The following SPOCK3 variants were observed in gnomAD, a reference collection of about 807,000 sequenced individuals.
SPOCK3 encodes the protein SPARC (osteonectin), cwcv and kazal like domains proteoglycan 3, also known as testican-3.
A neutral mutation model predicts 56.6 loss-of-function variants in SPOCK3; 30 were observed. That is an observed-to-expected ratio of 0.53 (90% CI 0.40 to 0.72). The LOEUF (loss-of-function observed/expected upper bound fraction) is 0.72, where lower values mean the gene tolerates loss of function less well. Among genes scored for constraint, SPOCK3 ranks in the 30% least tolerant of loss-of-function variants. The pLI is 0.00. For synonymous variants in SPOCK3, 196 were observed against 183.3 expected, an observed-to-expected ratio of 1.07 and a Z score of -0.56; for missense variants, 527 against 530.0, an observed-to-expected ratio of 0.99 and a Z score of 0.06.
chr4:167,200,168 C>T (rs1733379129), intron 2 of SPOCK3, among the ~76,000 whole-genome samples: 1 of 151,962 alleles, frequency 6.6e-6, no homozygotes, highest in Non-Finnish European at 1.5e-5. Flanking sequence ...CAGGAAAATT[C>T]AGGATACAAA....
chr4:167,186,151 A>T (rs576213887), intron 2 of SPOCK3, among the ~76,000 whole-genome samples: 1 of 152,344 alleles, frequency 6.6e-6, no homozygotes, highest in East Asian at 1.9e-4. Flanking sequence ...AAACAAAATC[A>T]AATTCAACAA....
chr4:167,061,496 A>T (rs904499350), intron 3 of SPOCK3, among the ~76,000 whole-genome samples: 1 of 152,002 alleles, frequency 6.6e-6, no homozygotes, highest in Non-Finnish European at 1.5e-5. Flanking sequence ...TTCAGACTCC[A>T]TGTTAATACC....
At chr4:166,964,623 G>A (rs888556600) in intron 4 of SPOCK3, among the ~76,000 whole-genome samples, 5 of 151,428 alleles carry the variant, frequency 3.3e-5, no homozygotes, top group African/African-American at 1.2e-4. Flanking sequence ...TAAATATATA[G>A]TTGATATTAT....
At chr4:166,751,628 T>C (rs1255110960) in intron 8 of SPOCK3, among the ~76,000 whole-genome samples, 2 of 152,110 alleles carry the variant, frequency 1.3e-5, no homozygotes, top group Non-Finnish European at 2.9e-5. Flanking sequence ...ACAGGGCTAT[T>C]TCAGTAATAA....
rs571578062 is a variant in SPOCK3 at position 166,851,226 on chromosome 4, C to T, written c.589+37904G>A. ...GGGGCAGACTGACACCTCACACGGCCGGGTACTCCAACAGACCTGCAGCTG... is the reference window on the plus strand; with the variant it reads ...GGGGCAGACTGACACCTCACACGGCTGGGTACTCCAACAGACCTGCAGCTG... On this transcript the variant is annotated intron_variant, in intron 6 of 10. Transcript: ENST00000357545. Among the ~76,000 whole-genome samples the T allele has an allele frequency of 3.3e-5, 5 of 152,086 alleles. No homozygotes were observed. The East Asian group carries it at 5.8e-4, about 18-fold the overall frequency.
chr4:166,853,730 A>G (rs1730372728), intron 6 of SPOCK3, among the ~76,000 whole-genome samples: 1 of 152,110 alleles, frequency 6.6e-6, no homozygotes, highest in Non-Finnish European at 1.5e-5. Context: ...TAAAAATACT[A>G]AACTAGCTGG....
intron 7 of SPOCK3, among the ~76,000 whole-genome samples, chr4:166,767,093 C>A (rs1223942987): frequency 1.3e-5 from 2 of 151,942 alleles, no homozygotes; most frequent in South Asian, 2.1e-4. Context: ...TTCTTTATTA[C>A]TCTGGCTAGC....
chr4:167,185,033 AATT>A (rs1433163276), intron 2 of SPOCK3, among the ~76,000 whole-genome samples: 5 of 152,152 alleles, frequency 3.3e-5, no homozygotes, highest in Admixed American at 3.3e-4. Context: ...GCCTTGTATG[AATT>A]ATATTTTGTT....
At chr4:167,083,386 C>T (rs879901199) in intron 2 of SPOCK3, 4 of 750,346 alleles carry the variant, frequency 5.3e-6, no homozygotes, top group African/African-American at 1.7e-5. Flanking sequence ...ACTTGCTCAA[C>T]TCTAAGTGTC....
intron 4 of SPOCK3, among the ~76,000 whole-genome samples, chr4:166,985,490 T>C (rs1377076959): frequency 1.3e-5 from 2 of 152,144 alleles, no homozygotes; most frequent in Non-Finnish European, 1.5e-5. Context: ...ACATGTCACT[T>C]TGTACTCATT....
intron 2 of SPOCK3, among the ~76,000 whole-genome samples, chr4:167,148,020 A>G (rs562144998): frequency 1.2e-4 from 19 of 152,270 alleles, no homozygotes; most frequent in African/African-American, 4.1e-4. Context: ...ATAAATTGAG[A>G]TCCAAAAAAT....
At chr4:166,952,882 T>C (rs1023303925) in intron 4 of SPOCK3, among the ~76,000 whole-genome samples, 3 of 151,736 alleles carry the variant, frequency 2.0e-5, no homozygotes, top group Non-Finnish European at 4.4e-5. Context: ...GCTAGCCATA[T>C]GTAGAAGGCT....
chr4:166,955,537 AATATTATTAAATTATATT>A (rs1743314343), intron 4 of SPOCK3, among the ~76,000 whole-genome samples: 1 of 104,710 alleles, frequency 9.6e-6, no homozygotes, highest in Non-Finnish European at 1.9e-5. Context: ...TATTAAATTT[AATATTATTAAATTATATT>A]ATATTATTAA....
intron 2 of SPOCK3, among the ~76,000 whole-genome samples, chr4:167,194,517 C>T (rs972468461): frequency 2.0e-5 from 3 of 152,156 alleles, no homozygotes; most frequent in African/African-American, 4.8e-5. Flanking sequence ...ATCCACGTAG[C>T]CTTTCACTGG....
chr4:166,861,708 C>T (rs769856120), intron 6 of SPOCK3, among the ~76,000 whole-genome samples: 1 of 152,064 alleles, frequency 6.6e-6, no homozygotes, highest in African/African-American at 2.4e-5. Context: ...CCACAACATA[C>T]TGGGGTTCCT....
intron 6 of SPOCK3, among the ~76,000 whole-genome samples, chr4:166,805,105 T>A (rs1241550352): frequency 6.6e-6 from 1 of 152,048 alleles, no homozygotes; most frequent in Admixed American, 6.6e-5. Context: ...GTGTGTGTAA[T>A]ATATGCCCTT....
At chr4:166,965,292 T>C (rs1020646641) in intron 4 of SPOCK3, among the ~76,000 whole-genome samples, 1 of 151,944 alleles carries the variant, frequency 6.6e-6, no homozygotes, top group African/African-American at 2.4e-5. Flanking sequence ...ATGGCTGTAT[T>C]TATCTTTCTC....
intron 3 of SPOCK3, among the ~76,000 whole-genome samples, chr4:167,052,644 C>A (rs766789076): frequency 1.4e-4 from 21 of 152,112 alleles, no homozygotes; most frequent in Non-Finnish European, 8.8e-5. Flanking sequence ...TAGAAAAATG[C>A]CAAAAGTCCC....
At chr4:167,079,133 T>C (rs1267508929) in intron 2 of SPOCK3, among the ~76,000 whole-genome samples, 2 of 151,904 alleles carry the variant, frequency 1.3e-5, no homozygotes, top group Non-Finnish European at 2.9e-5. Context: ...TAGATTCATA[T>C]TCAAAGATAC....
Sources: allele counts gnomAD v4.1 joint callset (sites outside exome capture counted in the v4.1 genomes callset), GRCh38; gene constraint gnomAD v4.1.1; transcripts MANE v1.5; gene names NCBI Gene and HGNC (gene_info 2026-07-23, HGNC 2026-07-21).